GRM7: variants seen among roughly 807,000 people sequenced by gnomAD.
GRM7 encodes the protein glutamate metabotropic receptor 7, also known as metabotropic glutamate receptor 7.
In GRM7, 35 loss-of-function variants were observed where a neutral mutation model predicts 84.5. The ratio of observed to expected loss-of-function variants is 0.41; its 90% CI spans 0.32 to 0.55. The LOEUF is 0.55. GRM7 is among the 20% of genes least tolerant of loss of function. The pLI is 0.19. For synonymous variants in GRM7, 487 were observed against 455.1 expected, an observed-to-expected ratio of 1.07 and a Z score of -0.89; for missense variants, 1,003 against 1,194.6, an observed-to-expected ratio of 0.84 and a Z score of 2.36.
At chr3:7,429,195 GT>G (rs59834157) in intron 5 of GRM7, among the ~76,000 whole-genome samples, 8 of 150,698 alleles carry the variant, frequency 5.3e-5, no homozygotes, top group African/African-American at 1.7e-4. Context: ...ATAGAGTTTT[GT>G]TTTTTTTTGT....
chr3:7,403,758 T>A (rs1218268788), intron 4 of GRM7, among the ~76,000 whole-genome samples: 1 of 103,610 alleles, frequency 9.7e-6, no homozygotes, highest in Non-Finnish European at 2.0e-5. Flanking sequence ...AATATATTTG[T>A]ATATATAAGA....
intron 1 of GRM7, among the ~76,000 whole-genome samples, chr3:6,909,913 G>C (rs1334071242): frequency 6.6e-6 from 1 of 152,026 alleles, no homozygotes; most frequent in Non-Finnish European, 1.5e-5. Context: ...ACCTAATACA[G>C]ACTTTAGGGG....
In GRM7 at chr3:6,861,173, G is replaced by A; in HGVS notation, c.-216G>A. On this transcript the variant is annotated 5_prime_UTR_variant, in exon 1 of 10. Coordinates refer to ENST00000357716, the MANE Select transcript of GRM7 (RefSeq NM_000844.4). The surrounding 1 kb of genome is among the most constrained non-coding windows in gnomAD (Gnocchi z 6.4). ...CCGGTGAGCGCGAGCGCGGCGCGCC[G>A]GCCGGCTAACCCGAGAGCGCGAGGC... 4.5e-6 allele frequency: 2 copies of A among 439,850 alleles called. No homozygotes were observed. The highest frequency in any genetic ancestry group is 7.9e-6 in the Non-Finnish European group (2 of 253,120). 27.2% of individuals were successfully genotyped at this position (439,850 alleles called of 1,614,324 possible).
intron 1 of GRM7, among the ~76,000 whole-genome samples, chr3:7,052,102 G>T (rs1697023563): frequency 6.6e-6 from 1 of 151,616 alleles, no homozygotes; most frequent in African/African-American, 2.4e-5. Context: ...TTTGTTCCAG[G>T]AGTTTAATTT....
intron 7 of GRM7, among the ~76,000 whole-genome samples, chr3:7,502,571 C>A (rs567553268): frequency 1.3e-5 from 2 of 151,848 alleles, no homozygotes; most frequent in Non-Finnish European, 2.9e-5. Flanking sequence ...TGTTAATTCT[C>A]GTGTGTGTGT....
At chr3:6,964,093 A>T (rs900450890) in intron 1 of GRM7, among the ~76,000 whole-genome samples, 1 of 152,216 alleles carries the variant, frequency 6.6e-6, no homozygotes, top group Non-Finnish European at 1.5e-5. Flanking sequence ...TATTTTGAAG[A>T]TCAGCAATAG....
At chr3:7,149,907 G>T (rs1694229740) in intron 2 of GRM7, among the ~76,000 whole-genome samples, 2 of 152,126 alleles carry the variant, frequency 1.3e-5, no homozygotes. Context: ...AATAACTTGA[G>T]TAATAGATGT....
chr3:6,998,234 C>G (rs1249976080), intron 1 of GRM7, among the ~76,000 whole-genome samples: 4 of 149,980 alleles, frequency 2.7e-5, no homozygotes, highest in African/African-American at 9.8e-5. Flanking sequence ...AAAGGGGCTA[C>G]AGGCCCCATT....
At chr3:7,531,797 C>T (rs1457611994) in intron 7 of GRM7, among the ~76,000 whole-genome samples, 2 of 152,094 alleles carry the variant, frequency 1.3e-5, no homozygotes, top group African/African-American at 4.8e-5. Context: ...CCCTTTATTT[C>T]TTTCTCTTAC....
intron 1 of GRM7, among the ~76,000 whole-genome samples, chr3:6,934,764 A>C (rs1697629467): frequency 6.6e-6 from 1 of 152,146 alleles, no homozygotes; most frequent in African/African-American, 2.4e-5. Flanking sequence ...TAGGATGAAA[A>C]TATCAATAGA....
intron 2 of GRM7, among the ~76,000 whole-genome samples, chr3:7,169,322 A>G (rs1378317902): frequency 1.3e-5 from 2 of 152,162 alleles, no homozygotes; most frequent in African/African-American, 4.8e-5. Context: ...TTGTTAATAA[A>G]GGTTACTCTC....
intron 1 of GRM7, among the ~76,000 whole-genome samples, chr3:6,964,021 C>T (rs1484539653): frequency 1.3e-5 from 2 of 152,188 alleles, no homozygotes; most frequent in African/African-American, 4.8e-5. Flanking sequence ...TCCATATTCT[C>T]ACCACTGATT....
chr3:7,469,710 A>G (rs1249949250), intron 7 of GRM7, among the ~76,000 whole-genome samples: 1 of 152,176 alleles, frequency 6.6e-6, no homozygotes, highest in African/African-American at 2.4e-5. Flanking sequence ...CTCTGAAAAG[A>G]TGGCATTTAA....
In GRM7 at chr3:6,861,550, G is replaced by C; in HGVS notation, c.162G>C (p.Leu54=). 6.3e-7 allele frequency: 1 copy of C among 1,590,598 alleles called. No homozygotes were observed. The highest frequency in any genetic ancestry group is 8.6e-7 in the Non-Finnish European group (1 of 1,167,764). ...AGGGGGACGTCACCCTCGGGGGGCT[G>C]TTCCCCGTGCACGCCAAGGGTCCCA... ...RIEGDVTLGG[L]FPVHAKGPSG... The change falls in exon 1 of 10, where the codon CTG becomes CTC. Residue 54 remains leucine (L), a synonymous_variant. Transcript: ENST00000357716. The surrounding 1 kb of genome is among the most constrained non-coding windows in gnomAD (Gnocchi z 6.4).
At chr3:7,363,391 CTA>C (rs1693752463) in intron 4 of GRM7, among the ~76,000 whole-genome samples, 1 of 151,966 alleles carries the variant, frequency 6.6e-6, no homozygotes, top group Admixed American at 6.6e-5. Flanking sequence ...AGAGAAAAAT[CTA>C]TGTTATTTAC....
chr3:7,216,273 A>T (rs1696607216), intron 2 of GRM7, among the ~76,000 whole-genome samples: 2 of 152,346 alleles, frequency 1.3e-5, no homozygotes, highest in South Asian at 4.1e-4. Context: ...TGTCTTTGCT[A>T]CATCACCATC....
At chr3:7,412,138 G>A (rs1178844517) in intron 4 of GRM7, among the ~76,000 whole-genome samples, 1 of 152,010 alleles carries the variant, frequency 6.6e-6, no homozygotes, top group East Asian at 1.9e-4. Flanking sequence ...TGATGTGCCA[G>A]GAGCTTTATT....
intron 8 of GRM7, among the ~76,000 whole-genome samples, chr3:7,625,494 C>A (rs1697567626): frequency 6.6e-6 from 1 of 151,938 alleles, no homozygotes; most frequent in Non-Finnish European, 1.5e-5. Flanking sequence ...AAGAATTGCC[C>A]AACTCATGAG....
intron 8 of GRM7, among the ~76,000 whole-genome samples, chr3:7,586,821 T>C (rs145434925): frequency 6.6e-6 from 1 of 152,086 alleles, no homozygotes; most frequent in Non-Finnish European, 1.5e-5. Context: ...AAAACCGCAA[T>C]GGACCATTGA....
Sources: allele counts gnomAD v4.1 joint callset (sites outside exome capture counted in the v4.1 genomes callset), GRCh38; gene constraint gnomAD v4.1.1; non-coding constraint Gnocchi (gnomAD v3.1); transcripts MANE v1.5; gene names NCBI Gene and HGNC (gene_info 2026-07-23, HGNC 2026-07-21).